The following TENM3 variants were observed in gnomAD, a reference collection of about 807,000 sequenced individuals.
TENM3 encodes the protein teneurin-3.
A neutral mutation model predicts 255.1 loss-of-function variants in TENM3; 63 were observed. The ratio of observed to expected loss-of-function variants is 0.25; its 90% CI spans 0.20 to 0.30. TENM3 has a LOEUF of 0.30. Ranked by LOEUF, TENM3 falls within the 10% of genes least tolerant of loss-of-function variation. The pLI is 1.00. For missense variants in TENM3, 2,929 were observed against 3,461.1 expected, an observed-to-expected ratio of 0.85 and a Z score of 3.86; for synonymous variants, 1,306 against 1,322.3, an observed-to-expected ratio of 0.99 and a Z score of 0.27.
the TENM3 span, among the ~76,000 whole-genome samples, chr4:181,983,724 A>G: frequency 2.0e-5 from 3 of 152,146 alleles, no homozygotes. Context: ...GAATATATGC[A>G]CTGGGACCGA....
At chr4:182,528,180 C>T (rs900944972) in intron 3 of TENM3, among the ~76,000 whole-genome samples, 2 of 152,114 alleles carry the variant, frequency 1.3e-5, no homozygotes, top group African/African-American at 4.8e-5. Flanking sequence ...TGCAGTGTCA[C>T]GATCTTGGCT....
chr4:182,734,392 C>T (rs1761006370), intron 16 of TENM3, among the ~76,000 whole-genome samples: 1 of 152,116 alleles, frequency 6.6e-6, no homozygotes, highest in South Asian at 2.1e-4. Context: ...ACCAAGACCC[C>T]AGTGGAGTTT....
At chr4:182,516,499 T>A (rs907840278) in intron 3 of TENM3, among the ~76,000 whole-genome samples, 7 of 152,178 alleles carry the variant, frequency 4.6e-5, no homozygotes. Context: ...CCAAACACTT[T>A]TTATTAGGGT....
chr4:182,172,500 C>G (rs565173098), intron 1 of TENM3, among the ~76,000 whole-genome samples: 4 of 152,210 alleles, frequency 2.6e-5, no homozygotes, highest in South Asian at 2.1e-4. Context: ...CGTTCCCTGG[C>G]TGTGATAAGA....
chr4:181,990,033 C>T, the TENM3 span, among the ~76,000 whole-genome samples: 1 of 152,068 alleles, frequency 6.6e-6, no homozygotes, highest in Admixed American at 6.6e-5. Context: ...AGAGTCTAAT[C>T]AGGGCTAAGC....
chr4:181,833,901 C>A, the TENM3 span, among the ~76,000 whole-genome samples: 1 of 152,144 alleles, frequency 6.6e-6, no homozygotes, highest in South Asian at 2.1e-4. Context: ...CAGCACCTGG[C>A]ACTTAGTTGA....
chr4:182,598,755 T>C (rs1176735111), intron 3 of TENM3, among the ~76,000 whole-genome samples: 1 of 152,154 alleles, frequency 6.6e-6, no homozygotes, highest in Non-Finnish European at 1.5e-5. Context: ...AATGAGTGGG[T>C]GCATTTCACT....
chr4:182,147,152 A>C (rs1332688173), intron 1 of TENM3, among the ~76,000 whole-genome samples: 1 of 152,216 alleles, frequency 6.6e-6, no homozygotes, highest in Non-Finnish European at 1.5e-5. Context: ...CTGGGAGCCA[A>C]GAGTAATTAT....
chr4:182,279,744 A>T (rs1760250654), intron 1 of TENM3, among the ~76,000 whole-genome samples: 2 of 152,168 alleles, frequency 1.3e-5, no homozygotes, highest in African/African-American at 4.8e-5. Flanking sequence ...GGATCGCAGA[A>T]TAGTCATTTT....
At chr4:182,369,310 A>G (rs1011089447) in intron 3 of TENM3, among the ~76,000 whole-genome samples, 2 of 152,226 alleles carry the variant, frequency 1.3e-5, no homozygotes, top group Non-Finnish European at 2.9e-5. Context: ...TAAGGCTTAG[A>G]AAGAATCTAA....
At chr4:181,702,389 T>C in the TENM3 span, among the ~76,000 whole-genome samples, 1 of 152,228 alleles carries the variant, frequency 6.6e-6, no homozygotes, top group Non-Finnish European at 1.5e-5. Flanking sequence ...ATTGGAAAGA[T>C]TGTTTTTTCT....
the TENM3 span, among the ~76,000 whole-genome samples, chr4:182,061,208 A>G: frequency 5.9e-5 from 9 of 152,254 alleles, no homozygotes; most frequent in African/African-American, 2.2e-4. Context: ...AGCGCTTTGC[A>G]CAGATTTCAA....
chr4:182,363,331 A>C (rs1766166980), intron 3 of TENM3, among the ~76,000 whole-genome samples: 1 of 151,996 alleles, frequency 6.6e-6, no homozygotes, highest in Non-Finnish European at 1.5e-5. Flanking sequence ...GTGTGTGTAC[A>C]TATTCATATA....
At chr4:181,798,922 C>A in the TENM3 span, among the ~76,000 whole-genome samples, 1 of 152,124 alleles carries the variant, frequency 6.6e-6, no homozygotes, top group African/African-American at 2.4e-5. Context: ...GAAAAGGAAA[C>A]CTTTCTAAAT....
chr4:182,244,321 A>G (rs111340684), intron 1 of TENM3, among the ~76,000 whole-genome samples: 1 of 152,184 alleles, frequency 6.6e-6, no homozygotes, highest in Non-Finnish European at 1.5e-5. Context: ...CGGCGATCAC[A>G]AAATATTTTT....
chr4:182,000,883 A>G, the TENM3 span, among the ~76,000 whole-genome samples: 1 of 152,046 alleles, frequency 6.6e-6, no homozygotes, highest in African/African-American at 2.4e-5. Context: ...GCGGTGGCTG[A>G]TTATATAATA....
the TENM3 span, among the ~76,000 whole-genome samples, chr4:181,736,625 T>C: frequency 6.6e-6 from 1 of 151,910 alleles, no homozygotes; most frequent in Non-Finnish European, 1.5e-5. Context: ...CAGGGCCACA[T>C]AGCTTTATGT....
At chr4:182,666,110 T>A in intron 6 of TENM3, among the ~76,000 whole-genome samples, 1 of 152,196 alleles carries the variant, frequency 6.6e-6, no homozygotes, top group East Asian at 1.9e-4. Context: ...AAGTAGAGCC[T>A]GAAGATGTGA....
chr4:181,934,081 C>T, the TENM3 span, among the ~76,000 whole-genome samples: 616 of 148,666 alleles, frequency 4.1e-3, 17 homozygotes, highest in South Asian at 0.059. Context: ...TGTGTGCGCG[C>T]GCTTTTAAAT....
Sources: allele counts gnomAD v4.1 joint callset (sites outside exome capture counted in the v4.1 genomes callset), GRCh38; gene constraint gnomAD v4.1.1; transcripts MANE v1.5; gene names NCBI Gene and HGNC (gene_info 2026-07-23, HGNC 2026-07-21).